RAPGEF4: variants seen among roughly 807,000 people sequenced by gnomAD.
RAPGEF4 encodes Rap guanine nucleotide exchange factor 4.
In RAPGEF4, 66 loss-of-function variants were observed where a neutral mutation model predicts 147.9. That is an observed-to-expected ratio of 0.45 (90% CI 0.37 to 0.55). The LOEUF (loss-of-function observed/expected upper bound fraction) is 0.55, where lower values mean the gene tolerates loss of function less well. Among genes scored for constraint, RAPGEF4 ranks in the 20% least tolerant of loss-of-function variants. The probability of loss-of-function intolerance (pLI) is 0.00; values close to 1 mark genes in which losing one functional copy is unlikely to be tolerated. For synonymous variants in RAPGEF4, 419 were observed against 442.7 expected, an observed-to-expected ratio of 0.95 and a Z score of 0.67; for missense variants, 1,071 against 1,257.3, an observed-to-expected ratio of 0.85 and a Z score of 2.24.
chr2:172,913,810 T>C (rs933129370), intron 4 of RAPGEF4, among the ~76,000 whole-genome samples: 1 of 152,182 alleles, frequency 6.6e-6, no homozygotes, highest in Admixed American at 6.5e-5. Flanking sequence ...TTGAGTCCCA[T>C]GGAATAAAAG....
At chr2:172,903,368 CAAAA>C (rs10712221) in intron 4 of RAPGEF4, among the ~76,000 whole-genome samples, 2 of 82,670 alleles carry the variant, frequency 2.4e-5, no homozygotes, top group Admixed American at 3.0e-4. Context: ...GACTCCATCT[CAAAA>C]AAAAAAAAAA....
At position 172,845,366 on chromosome 2, in the gene RAPGEF4, C is replaced by T. The variant is rs184387615; in HGVS notation, c.444+30941C>T. Among the ~76,000 whole-genome samples, 30 of 152,298 alleles carry T rather than the reference C, an allele frequency of 2.0e-4. No individual in the cohort carries two copies. The South Asian group carries it at 5.0e-3, about 25-fold the overall frequency. ...ATGCCTGACAGTTCAGGGAATGGCC[C>T]TGCATGTGTTGTTTTGAATGATGCC... On this transcript the variant is annotated intron_variant, in intron 4 of 30. Transcript: ENST00000397081.
intron 2 of RAPGEF4, among the ~76,000 whole-genome samples, chr2:172,797,109 T>G (rs6722738): frequency 0.012 from 1,843 of 152,350 alleles, 32 homozygotes; most frequent in African/African-American, 0.042. Context: ...GTAGTTAAAA[T>G]TTTTAAACAA....
At chr2:172,879,937 A>G (rs73977722) in intron 4 of RAPGEF4, among the ~76,000 whole-genome samples, 6 of 152,224 alleles carry the variant, frequency 3.9e-5, no homozygotes, top group Non-Finnish European at 7.3e-5. Flanking sequence ...TGGTACAACA[A>G]AAGCTTTTCC....
In RAPGEF4 at chr2:173,017,593, T is replaced by G. The variant is rs1226184753; in HGVS notation, c.2008+89T>G. ...ATCACCTTGGACCCACAGAATAGCT[T>G]CTTTTGAAGATGCCCTGTTGCCCTC... is the stretch of plus-strand genomic sequence containing the variant. On this transcript the variant is annotated intron_variant, in intron 21 of 30. Coordinates refer to ENST00000397081, the MANE Select transcript of RAPGEF4 (RefSeq NM_007023.4). 8 of 1,264,944 alleles carry G rather than the reference T, an allele frequency of 6.3e-6. No homozygotes were observed. The Admixed American group carries it at 1.6e-4, about 26-fold the overall frequency. 78.4% of individuals were successfully genotyped at this position (1,264,944 alleles called of 1,614,324 possible).
intron 6 of RAPGEF4, among the ~76,000 whole-genome samples, chr2:172,931,188 T>TGGGGGGGGGGGGGGGGGGGGGGG (rs1575283791): frequency 6.6e-4 from 1 of 1,514 alleles, no homozygotes; most frequent in Admixed American, 0.011. Flanking sequence ...GGGGGGGCGC[T>TGGGGGGGGGGGGGGGGGGGGGGG]GGGGGGCGGG....
At chr2:172,790,767 C>G (rs553549140) in intron 1 of RAPGEF4, among the ~76,000 whole-genome samples, 1 of 152,226 alleles carries the variant, frequency 6.6e-6, no homozygotes, top group South Asian at 2.1e-4. Context: ...CTTCATATGC[C>G]CTTTATCCAC....
rs1017213097 is a variant in RAPGEF4 at position 173,051,834 on chromosome 2, T to C, written c.*67T>C. ...AATCTTTCAAAAATGCCATTTATGC[T>C]ACTACTGACTGTATTGCCACTAGAG... On this transcript the variant is annotated 3_prime_UTR_variant, in exon 31 of 31. Transcript: ENST00000397081. The C allele has an allele frequency of 1.3e-6, 2 of 1,556,482 alleles. No homozygotes were observed. The highest frequency in any genetic ancestry group is 2.3e-5 in the South Asian group (2 of 87,260).
rs184857323 is a variant in RAPGEF4 at position 172,850,371 on chromosome 2, A to G, written c.444+35946A>G. ...GGTGGCTCATGCCTGTAATCCTAGCACTTCGGGAGGCCGAGGTGGGTGGAT... is the reference window on the plus strand; with the variant it reads ...GGTGGCTCATGCCTGTAATCCTAGCGCTTCGGGAGGCCGAGGTGGGTGGAT... On this transcript the variant is annotated intron_variant, in intron 4 of 30. Coordinates refer to ENST00000397081, the MANE Select transcript of RAPGEF4 (RefSeq NM_007023.4). 2.6e-5 allele frequency among the ~76,000 whole-genome samples: 4 copies of G among 152,302 alleles called. No homozygotes were observed. In the East Asian group the frequency reaches 7.7e-4, roughly 29 times the overall value.
At chr2:172,860,446 T>A in intron 4 of RAPGEF4, 1 of 446,186 alleles carries the variant, frequency 2.2e-6, no homozygotes, top group Non-Finnish European at 3.0e-6. Context: ...AATATCAACC[T>A]AATAAAGTTC....
intron 3 of RAPGEF4, among the ~76,000 whole-genome samples, chr2:172,806,015 C>CTCTGTGTG (rs1381635401): frequency 6.2e-5 from 9 of 145,324 alleles, no homozygotes; most frequent in Non-Finnish European, 9.0e-5. Context: ...TATTATCCGG[C>CTCTGTGTG]TGTGTGTGTG....
intron 10 of RAPGEF4, among the ~76,000 whole-genome samples, chr2:172,980,981 G>T (rs571497901): frequency 2.6e-5 from 4 of 152,116 alleles, no homozygotes; most frequent in Non-Finnish European, 1.5e-5. Context: ...ATCCATAAAA[G>T]TTGAGTAATA....
intron 2 of RAPGEF4, among the ~76,000 whole-genome samples, chr2:172,795,859 A>T (rs1334337899): frequency 1.3e-5 from 2 of 152,204 alleles, no homozygotes; most frequent in African/African-American, 4.8e-5. Flanking sequence ...TTTTGTATGC[A>T]TTCTGAGGTG....
chr2:172,780,701 G>A (rs1184726495), intron 1 of RAPGEF4, among the ~76,000 whole-genome samples: 1 of 151,714 alleles, frequency 6.6e-6, no homozygotes. Context: ...TTTTTTCTTT[G>A]CATACCATTT....
At chr2:172,798,049 T>C (rs902401863) in intron 3 of RAPGEF4, among the ~76,000 whole-genome samples, 24 of 152,308 alleles carry the variant, frequency 1.6e-4, no homozygotes, top group African/African-American at 5.5e-4. Flanking sequence ...TAGGAGATCT[T>C]GTGATGCAGG....
intron 4 of RAPGEF4, among the ~76,000 whole-genome samples, chr2:172,892,237 A>C (rs1698005909): frequency 6.6e-6 from 1 of 152,136 alleles, no homozygotes; most frequent in African/African-American, 2.4e-5. Context: ...GGACATCCTC[A>C]TGCTCCCTAT....
chr2:172,932,495 AT>A (rs1406110352), intron 6 of RAPGEF4, among the ~76,000 whole-genome samples: 1 of 152,356 alleles, frequency 6.6e-6, no homozygotes, highest in East Asian at 1.9e-4. Flanking sequence ...ACTTAAAAAA[AT>A]ATATGAACAA....
chr2:172,997,190 A>G (rs1366600188), intron 16 of RAPGEF4, among the ~76,000 whole-genome samples: 1 of 152,148 alleles, frequency 6.6e-6, no homozygotes, highest in Non-Finnish European at 1.5e-5. Flanking sequence ...TTTGCAGGCT[A>G]TCTTTGGCAT....
chr2:172,921,270 G>A (rs898751439), intron 5 of RAPGEF4, among the ~76,000 whole-genome samples: 1 of 151,906 alleles, frequency 6.6e-6, no homozygotes, highest in Non-Finnish European at 1.5e-5. Context: ...CTAGTTTTTT[G>A]TGGAGACAGG....
Sources: gnomAD v4.1 joint callset for allele counts (sites outside exome capture counted in the v4.1 genomes callset) on GRCh38, gnomAD v4.1.1 for gene constraint, MANE v1.5 for transcripts, NCBI Gene and HGNC (gene_info 2026-07-23, HGNC 2026-07-21) for gene names.